Variants in DPYSL2 observed in about 807,000 individuals in gnomAD.
The protein encoded by DPYSL2 is dihydropyrimidinase-related protein 2.
DPYSL2 carries 13 observed loss-of-function variants against 69.9 expected under a neutral mutation model. The observed-to-expected ratio is 0.19, with a 90% CI of 0.12 to 0.30. The LOEUF (loss-of-function observed/expected upper bound fraction) is 0.30, where lower values mean the gene tolerates loss of function less well. DPYSL2 is among the 10% of genes least tolerant of loss of function. The pLI, the probability that DPYSL2 is intolerant of heterozygous loss-of-function variation, is 1.00. For synonymous variants in DPYSL2, 326 were observed against 359.1 expected, an observed-to-expected ratio of 0.91 and a Z score of 1.04; for missense variants, 587 against 918.9, an observed-to-expected ratio of 0.64 and a Z score of 4.67.
chr8:26,638,503 G>C (rs1190383319), intron 8 of DPYSL2, among the ~76,000 whole-genome samples: 1 of 152,150 alleles, frequency 6.6e-6, no homozygotes, highest in Non-Finnish European at 1.5e-5. Context: ...CTGTTTTCAC[G>C]TGCCTGCTTG....
intron 1 of DPYSL2, chr8:26,547,814 T>C: frequency 2.8e-6 from 1 of 362,300 alleles, no homozygotes; most frequent in Non-Finnish European, 5.7e-6. Context: ...TACAGATTCT[T>C]GCCACAGAAA....
chr8:26,559,557 C>T (rs1801041374), intron 1 of DPYSL2, among the ~76,000 whole-genome samples: 1 of 152,056 alleles, frequency 6.6e-6, no homozygotes, highest in Non-Finnish European at 1.5e-5. Flanking sequence ...AACATATTTT[C>T]TTGTATTTAT....
At chr8:26,638,706 A>G (rs1802973690) in intron 8 of DPYSL2, among the ~76,000 whole-genome samples, 1 of 152,222 alleles carries the variant, frequency 6.6e-6, no homozygotes, top group Admixed American at 6.5e-5. Flanking sequence ...TTACTCTTGA[A>G]AAGAACTTAG....
rs1261445019 is a variant in DPYSL2 at position 26,640,298 on chromosome 8, C to A, written c.1127-3141C>A. Among the ~76,000 whole-genome samples the A allele has an allele frequency of 6.6e-6, 1 of 152,194 alleles. No homozygotes were observed. Among genetic ancestry groups the A allele is most frequent in the African/African-American group, 2.4e-5 (1 of 41,446 alleles). ...CTGCAGTTCTTGGCCTTATAGAGAG[C>A]CTGCCAGAGGCTGGCTTGGTCACAT... On this transcript the variant is annotated intron_variant, in intron 8 of 13. Coordinates refer to ENST00000521913, the MANE Select transcript of DPYSL2 (RefSeq NM_001197293.3). The surrounding 1 kb of genome is among the most constrained non-coding windows in gnomAD (Gnocchi z 4.2).
intron 1 of DPYSL2, among the ~76,000 whole-genome samples, chr8:26,553,918 AGACG>A (rs1800905804): frequency 8.6e-5 from 3 of 34,896 alleles, no homozygotes; most frequent in African/African-American, 3.5e-4. Flanking sequence ...TTTTTTTTTG[AGACG>A]GAGTCTCACT....
In DPYSL2 at chr8:26,622,476, A is replaced by ATG. The variant is rs372106979; in HGVS notation, c.629-1647_629-1646dup. Among the ~76,000 whole-genome samples, 504 of 127,560 alleles carry ATG rather than the reference A, an allele frequency of 4.0e-3. 5 individuals are homozygous for ATG. Among genetic ancestry groups the ATG allele is most frequent in the African/African-American group, 0.012 (423 of 35,212 alleles). The allele number at this position is 127,560 out of a possible 152,430, so 83.7% of individuals were successfully genotyped here. On this transcript the variant is annotated intron_variant, in intron 3 of 13. Coordinates refer to ENST00000521913, the MANE Select transcript of DPYSL2 (RefSeq NM_001197293.3). The stretch of plus-strand genomic sequence containing the variant: ...TGTGTGTGTGTGTGTGTGTGTGTAT[A>ATG]TGTGTGTGTGTGTGTGTGTGTATAT...
intron 1 of DPYSL2, among the ~76,000 whole-genome samples, chr8:26,554,285 C>CT (rs1458744373): frequency 6.6e-6 from 1 of 151,452 alleles, no homozygotes; most frequent in African/African-American, 2.4e-5. Context: ...AGATACTGAG[C>CT]TTTTTTTCAC....
intron 1 of DPYSL2, among the ~76,000 whole-genome samples, chr8:26,555,428 C>A (rs1317476861): frequency 1.3e-5 from 2 of 152,050 alleles, no homozygotes; most frequent in Non-Finnish European, 1.5e-5. Context: ...GGTTATTGTA[C>A]AAAAGCCAAT....
intron 3 of DPYSL2, among the ~76,000 whole-genome samples, chr8:26,596,371 C>T (rs893670072): frequency 1.3e-5 from 2 of 152,204 alleles, no homozygotes; most frequent in Non-Finnish European, 2.9e-5. Flanking sequence ...CAAACCAGGG[C>T]TGTCCTAGGC....
rs1217964399 is a variant in DPYSL2 at position 26,654,517 on chromosome 8, C to T, written c.1943-1098C>T. Among the ~76,000 whole-genome samples, 1 of 152,080 alleles carries T rather than the reference C, an allele frequency of 6.6e-6. No individual in the cohort carries two copies. Among genetic ancestry groups the T allele is most frequent in the Non-Finnish European group, 1.5e-5 (1 of 68,008 alleles). On this transcript the variant is annotated intron_variant, in intron 13 of 13. Transcript: ENST00000521913. This position sits in a 1 kb window ranked among gnomAD's most constrained non-coding sequence, Gnocchi z 5.0. ...TTTCAAAACATTTAAAAATAAGGAA[C>T]TTTACTTTGTTGTAAGTAAAACGTG...
chr8:26,636,103 A>G (rs1167853191), intron 8 of DPYSL2, among the ~76,000 whole-genome samples: 3 of 152,240 alleles, frequency 2.0e-5, no homozygotes, highest in Non-Finnish European at 2.9e-5. Flanking sequence ...CTTAGGCTAC[A>G]CATCAAATGG....
chr8:26,514,583 C>A lies in DPYSL2; in HGVS notation c.258C>A (p.Gly86=). The change falls in exon 1 of 14, where the codon GGC becomes GGA. Residue 86 remains glycine (G), a synonymous_variant. Coordinates refer to ENST00000521913, the MANE Select transcript of DPYSL2 (RefSeq NM_001197293.3). The surrounding 1 kb of genome is among the most constrained non-coding windows in gnomAD (Gnocchi z 8.4). The part of the protein sequence containing the change: ...PDPQPPYSRQ[G]RRAGGEPSVE... ...CGCAGCCGCCGTACTCGCGGCAGGG[C>A]CGGCGCGCCGGCGGAGAGCCATCTG... is the stretch of plus-strand genomic sequence containing the variant. 1 of 1,516,096 alleles carries A rather than the reference C, an allele frequency of 6.6e-7. No individual in the cohort carries two copies. Among genetic ancestry groups the A allele is most frequent in the Non-Finnish European group, 8.8e-7 (1 of 1,138,396 alleles). The allele number at this position is 1,516,096 out of a possible 1,614,324, so 93.9% of individuals were successfully genotyped here. A position where few individuals can be genotyped will look rare whatever the true frequency, so the allele number is the denominator to read the frequency against.
chr8:26,628,204 T>C (rs1347841547), intron 7 of DPYSL2, among the ~76,000 whole-genome samples: 1 of 152,252 alleles, frequency 6.6e-6, no homozygotes, highest in Non-Finnish European at 1.5e-5. Context: ...CTTGCTTGTA[T>C]AGACACAAAC....
intron 1 of DPYSL2, among the ~76,000 whole-genome samples, chr8:26,550,928 T>C (rs937902388): frequency 6.6e-6 from 1 of 152,012 alleles, no homozygotes; most frequent in African/African-American, 2.4e-5. Flanking sequence ...CAGGAGAAAA[T>C]GGATATCTTG....
At chr8:26,634,313 G>T (rs1802847917) in intron 7 of DPYSL2, among the ~76,000 whole-genome samples, 1 of 151,800 alleles carries the variant, frequency 6.6e-6, no homozygotes, top group Non-Finnish European at 1.5e-5. Context: ...TGCCCAGGTT[G>T]GAGTATGGTG....
intron 7 of DPYSL2, among the ~76,000 whole-genome samples, chr8:26,630,932 G>T (rs1802757320): frequency 6.6e-6 from 1 of 152,182 alleles, no homozygotes; most frequent in Admixed American, 6.5e-5. Context: ...CAGTCCCTCT[G>T]CCTGCCATGT....
At position 26,586,930 on chromosome 8, in the gene DPYSL2, C is replaced by A. The variant is rs981223396; in HGVS notation, c.628+2947C>A. The stretch of plus-strand genomic sequence containing the variant: ...GGGCAGTGTATGGTTAGCATTGTGA[C>A]CCCCAAATGCCATTGCTTTTATAGC... On this transcript the variant is annotated intron_variant, in intron 3 of 13. Coordinates refer to ENST00000521913, the MANE Select transcript of DPYSL2 (RefSeq NM_001197293.3). This position sits in a 1 kb window ranked among gnomAD's most constrained non-coding sequence, Gnocchi z 4.7. Among the ~76,000 whole-genome samples the A allele has an allele frequency of 1.2e-4, 18 of 152,166 alleles. No individual in the cohort carries two copies. The highest frequency in any genetic ancestry group is 4.3e-4 in the African/African-American group (18 of 41,428).
chr8:26,557,184 A>AG (rs976903019), intron 1 of DPYSL2, among the ~76,000 whole-genome samples: 3 of 152,372 alleles, frequency 2.0e-5, no homozygotes, highest in Middle Eastern at 3.4e-3. Context: ...CATGAAAAAA[A>AG]TAATTGATAA....
rs1009175939 is a variant in DPYSL2 at position 26,640,398 on chromosome 8, T to C, written c.1127-3041T>C. Among the ~76,000 whole-genome samples, 3 of 152,176 alleles carry C rather than the reference T, an allele frequency of 2.0e-5. No individual in the cohort carries two copies. Among genetic ancestry groups the C allele is most frequent in the Non-Finnish European group, 4.4e-5 (3 of 68,034 alleles). On this transcript the variant is annotated intron_variant, in intron 8 of 13. Transcript: ENST00000521913. The surrounding 1 kb of genome is among the most constrained non-coding windows in gnomAD (Gnocchi z 4.2). ...GCACCCAGATAGCATCAGCAGTGTA[T>C]TTAGAGAAGTGCAGAAGGGCCAATT...
Sources: gnomAD v4.1 joint callset for allele counts (sites outside exome capture counted in the v4.1 genomes callset) on GRCh38, gnomAD v4.1.1 for gene constraint, Gnocchi (gnomAD v3.1) non-coding constraint, MANE v1.5 for transcripts, NCBI Gene and HGNC (gene_info 2026-07-23, HGNC 2026-07-21) for gene names.